Variants in TAF1A observed in about 807,000 individuals in gnomAD.
TAF1A encodes the protein TATA box-binding protein-associated factor RNA polymerase I subunit A.
TAF1A carries 42 observed loss-of-function variants against 61.6 expected under a neutral mutation model. That is an observed-to-expected ratio of 0.68 (90% CI 0.53 to 0.88). TAF1A has a LOEUF of 0.88. Ranked by LOEUF, TAF1A falls within the 40% of genes least tolerant of loss-of-function variation. The pLI is 0.00. For missense variants in TAF1A, 424 were observed against 518.7 expected (o/e 0.82, Z 1.77); for synonymous variants, 179 against 177.7 (o/e 1.01, Z -0.06).
chr1:222,583,128 T>C (rs1272309654), intron 3 of TAF1A, among the ~76,000 whole-genome samples: 1 of 152,096 alleles, frequency 6.6e-6, no homozygotes, highest in Non-Finnish European at 1.5e-5. Flanking sequence ...GAGGTTGCAG[T>C]GAGCAGAGAT....
downstream of TAF1A, among the ~76,000 whole-genome samples, chr1:222,557,682 C>G (rs1252329031): frequency 6.6e-6 from 1 of 151,876 alleles, no homozygotes; most frequent in African/African-American, 2.4e-5. Flanking sequence ...GTCTCAATCT[C>G]TTGACCTCAT....
rs145865374 is a variant in TAF1A at position 222,561,506 on chromosome 1, C to A, written c.1098G>T (p.Ala366=). 8.2e-6 allele frequency: 13 copies of A among 1,592,180 alleles called. No homozygotes were observed. Among genetic ancestry groups the A allele is most frequent in the Admixed American group, 3.7e-5 (2 of 54,714 alleles). The change falls in exon 10 of 11, where the codon GCG becomes GCT. Residue 366 remains alanine, a synonymous_variant. Coordinates refer to ENST00000352967, the MANE Select transcript of TAF1A (RefSeq NM_005681.4). ...LKNILMGNHL[A]WVQEEWNSRK... is the part of the protein sequence containing the mutation. ...TGGAGTTCCACTCTTCTTGAACCCACGCAAGGTGGTTTCTGGAAAAGAAAA... is the reference window on the plus strand; with the variant it reads ...TGGAGTTCCACTCTTCTTGAACCCAAGCAAGGTGGTTTCTGGAAAAGAAAA...
chr1:222,575,806 G>A (rs1267378161), intron 5 of TAF1A, among the ~76,000 whole-genome samples: 1 of 152,190 alleles, frequency 6.6e-6, no homozygotes, highest in African/African-American at 2.4e-5. Flanking sequence ...CTACAGAACT[G>A]TCAGCTACGG....
chr1:222,583,605 C>T (rs957160814), intron 3 of TAF1A, among the ~76,000 whole-genome samples: 7 of 151,798 alleles, frequency 4.6e-5, no homozygotes, highest in Admixed American at 6.6e-5. Flanking sequence ...TTTGGGAGGC[C>T]GAGGCAGGCG....
chr1:222,582,622 G>A (rs1023568236), intron 3 of TAF1A, among the ~76,000 whole-genome samples: 7 of 151,968 alleles, frequency 4.6e-5, no homozygotes, highest in African/African-American at 1.5e-4. Context: ...TAAAACAAAC[G>A]TCCACACAAA....
intron 2 of TAF1A, among the ~76,000 whole-genome samples, chr1:222,585,500 C>T (rs962358600): frequency 3.3e-5 from 5 of 151,358 alleles, no homozygotes; most frequent in Middle Eastern, 3.2e-3. Context: ...CAGGCTGGAC[C>T]GCACTAGCAC....
intron 5 of TAF1A, among the ~76,000 whole-genome samples, chr1:222,571,153 A>T (rs1045266088): frequency 8.5e-5 from 13 of 152,178 alleles, no homozygotes; most frequent in Non-Finnish European, 1.0e-4. Context: ...ATCACAATAG[A>T]CACAGAAAAA....
rs1661179363 is a variant in TAF1A, at chr1:222,589,740, G to A, written c.-16C>T. On this transcript the variant is annotated 5_prime_UTR_variant, in exon 1 of 11. Coordinates refer to ENST00000352967, the MANE Select transcript of TAF1A (RefSeq NM_005681.4). ...TGCGGCACTTACCCGCCTAAATTTA[G>A]AGCTCCTCAGTAAAGCTAAACTCAG... is the stretch of plus-strand genomic sequence containing the variant. 1 of 263,212 alleles carries A rather than the reference G, an allele frequency of 3.8e-6. No individual in the cohort carries two copies. The highest frequency in any genetic ancestry group is 2.2e-5 in the African/African-American group (1 of 45,548). The allele number at this position is 263,212 out of a possible 1,614,324, so 16.3% of individuals were successfully genotyped here. A position where few individuals can be genotyped will look rare whatever the true frequency, so the allele number is the denominator to read the frequency against.
downstream of TAF1A, among the ~76,000 whole-genome samples, chr1:222,555,240 T>C (rs1027481048): frequency 3.9e-5 from 6 of 152,086 alleles, no homozygotes; most frequent in Admixed American, 3.3e-4. Flanking sequence ...AAATTGAAAA[T>C]AGAAATATCT....
intron 9 of TAF1A, 113 bp from the exon 10 acceptor site, chr1:222,561,631 C>G: frequency 1.8e-6 from 2 of 1,113,272 alleles, no homozygotes; most frequent in South Asian, 1.8e-5. Context: ...TGCTTCCAAG[C>G]TAAATTCTCA....
Position 222,577,601 on chromosome 1 carries a change from GCATTC to G in TAF1A, c.443_447del (p.Gly148AlafsTer2). The G allele has an allele frequency of 6.2e-7, 1 of 1,613,930 alleles. No individual in the cohort carries two copies. The highest frequency in any genetic ancestry group is 8.5e-7 in the Non-Finnish European group (1 of 1,179,896). On this transcript the variant is annotated frameshift_variant, in exon 5 of 11. Coordinates refer to ENST00000352967, the MANE Select transcript of TAF1A (RefSeq NM_005681.4). LOFTEE classifies it high-confidence loss of function. ...CTCAGATTTCTCTTAGCATCTTTAA[GCATTC>G]CATGATGCAGAAGGTATAATGCATG...
At chr1:222,563,797 A>G (rs1386874403) in intron 8 of TAF1A, among the ~76,000 whole-genome samples, 1 of 152,238 alleles carries the variant, frequency 6.6e-6, no homozygotes, top group Non-Finnish European at 1.5e-5. Flanking sequence ...ATTGTGTAAC[A>G]GGAGTAGGCA....
chr1:222,588,343 C>G (rs1661105037), intron 2 of TAF1A, 100 bp downstream of exon 2: 1 of 1,419,988 alleles, frequency 7.0e-7, no homozygotes, highest in South Asian at 1.4e-5. Flanking sequence ...CCACATATTC[C>G]TCTTGAAAAT....
chr1:222,582,868 T>C (rs1660840852), intron 3 of TAF1A, among the ~76,000 whole-genome samples: 1 of 152,150 alleles, frequency 6.6e-6, no homozygotes, highest in Non-Finnish European at 1.5e-5. Context: ...ACAAAACCAC[T>C]TATATGAAAT....
Position 222,569,500 on chromosome 1 carries a change from A to G in TAF1A, c.894+10T>C. The G allele has an allele frequency of 1.2e-6, 2 of 1,613,522 alleles. No homozygotes were observed. ...AACCCTGGTCAAACATCGAGATAAAAATTCTATACCTTAAGCACACTTATC... is the reference window on the plus strand; with the variant it reads ...AACCCTGGTCAAACATCGAGATAAAGATTCTATACCTTAAGCACACTTATC... On this transcript the variant is annotated intron_variant, in intron 7 of 10. Coordinates refer to ENST00000352967, the MANE Select transcript of TAF1A (RefSeq NM_005681.4).
intron 7 of TAF1A, among the ~76,000 whole-genome samples, chr1:222,566,171 ATAGACATT>A: frequency 6.6e-6 from 1 of 152,356 alleles, no homozygotes; most frequent in South Asian, 2.1e-4. Flanking sequence ...GAGGACTTGA[ATAGACATT>A]TGCCAAAGAT....
chr1:222,554,729 A>G (rs992281286), downstream of TAF1A, among the ~76,000 whole-genome samples: 1 of 152,152 alleles, frequency 6.6e-6, no homozygotes, highest in Non-Finnish European at 1.5e-5. Flanking sequence ...ATCCCATTTT[A>G]CAGAATAAAG....
chr1:222,580,601 T>C (rs1660747638), intron 3 of TAF1A, among the ~76,000 whole-genome samples: 1 of 152,206 alleles, frequency 6.6e-6, no homozygotes, highest in East Asian at 1.9e-4. Context: ...TATAGTTATA[T>C]ATGATACACA....
At chr1:222,557,285 T>C (rs1299949454), downstream of TAF1A, among the ~76,000 whole-genome samples, 1 of 152,132 alleles carries the variant, frequency 6.6e-6, no homozygotes, top group Non-Finnish European at 1.5e-5. Context: ...TCCAACATAT[T>C]ATAAAGCTCA....
Sources: gnomAD v4.1 joint callset for allele counts (sites outside exome capture counted in the v4.1 genomes callset) on GRCh38, gnomAD v4.1.1 for gene constraint, MANE v1.5 for transcripts, NCBI Gene and HGNC (gene_info 2026-07-23, HGNC 2026-07-21) for gene names.